The following COL19A1 variants were observed in gnomAD, a reference collection of about 807,000 sequenced individuals.
COL19A1 encodes the protein collagen type XIX alpha 1 chain, also known as collagen alpha-1(XIX) chain.
In COL19A1, 159 loss-of-function variants were observed where a neutral mutation model predicts 190.2. The ratio of observed to expected loss-of-function variants is 0.84; its 90% CI spans 0.73 to 0.95. The LOEUF is 0.95. COL19A1 is among the 40% of genes least tolerant of loss of function. The pLI is 0.00. For synonymous variants in COL19A1, 509 were observed against 458.9 expected, an observed-to-expected ratio of 1.11 and a Z score of -1.39; for missense variants, 1,418 against 1,431.9, an observed-to-expected ratio of 0.99 and a Z score of 0.16.
At chr6:70,122,802 T>C (rs1364591641) in intron 17 of COL19A1, among the ~76,000 whole-genome samples, 1 of 152,222 alleles carries the variant, frequency 6.6e-6, no homozygotes, top group African/African-American at 2.4e-5. Flanking sequence ...AAAAATTTGT[T>C]AAATGACTAG....
chr6:70,125,464 G>T (rs1365298544), intron 17 of COL19A1, among the ~76,000 whole-genome samples: 1 of 152,036 alleles, frequency 6.6e-6, no homozygotes, highest in Non-Finnish European at 1.5e-5. Flanking sequence ...CTTGCCCTCT[G>T]GCCCCCATAT....
At chr6:69,941,357 T>C (rs1221648959) in intron 9 of COL19A1, among the ~76,000 whole-genome samples, 7 of 152,186 alleles carry the variant, frequency 4.6e-5, no homozygotes, top group Admixed American at 3.3e-4. Flanking sequence ...TCAACAAATA[T>C]ATGTTTCCCC....
intron 11 of COL19A1, among the ~76,000 whole-genome samples, chr6:70,003,649 T>A (rs1777417351): frequency 2.6e-5 from 4 of 152,110 alleles, no homozygotes; most frequent in African/African-American, 4.8e-5. Context: ...CTTTTTTTTT[T>A]AATCGTAGTT....
At chr6:70,141,759 C>G (rs1412433156) in intron 20 of COL19A1, 134 bp from the exon 21 acceptor site, 4 of 625,574 alleles carry the variant, frequency 6.4e-6, no homozygotes, top group Non-Finnish European at 1.1e-5. Context: ...ATGAACTCTC[C>G]TTGATTTTAT....
intron 1 of COL19A1, among the ~76,000 whole-genome samples, chr6:69,875,702 G>C (rs894920432): frequency 2.6e-5 from 4 of 152,160 alleles, no homozygotes; most frequent in African/African-American, 7.2e-5. Context: ...AGACTGGGAA[G>C]AGCATGAGAA....
intron 4 of COL19A1, among the ~76,000 whole-genome samples, chr6:69,915,526 G>T (rs1771233093): frequency 6.6e-6 from 1 of 152,028 alleles, no homozygotes; most frequent in African/African-American, 2.4e-5. Context: ...TCTGTTGCTG[G>T]GAGACCAGAT....
rs3793025 is a variant in COL19A1 at position 69,961,044 on chromosome 6, G to A, written c.981+1004G>A. Among the ~76,000 whole-genome samples, 830 of 152,166 alleles carry A rather than the reference G, an allele frequency of 5.5e-3. 19 individuals are homozygous for A. The East Asian group carries it at 0.069, about 13-fold the overall frequency. On this transcript the variant is annotated intron_variant, in intron 10 of 50. Coordinates refer to ENST00000620364, the MANE Select transcript of COL19A1 (RefSeq NM_001858.6). ...GAGGGACGGGGAGCCACTTCAGGTG[G>A]GGCCAGCTGTCATGATACCATCCAG...
intron 14 of COL19A1, among the ~76,000 whole-genome samples, chr6:70,061,359 T>A (rs766810593): frequency 7.9e-5 from 12 of 152,144 alleles, no homozygotes; most frequent in African/African-American, 1.9e-4. Flanking sequence ...TCATCAAGGA[T>A]TAAAAAAGAA....
chr6:69,878,832 A>T (rs1163972620), intron 1 of COL19A1, among the ~76,000 whole-genome samples: 1 of 152,230 alleles, frequency 6.6e-6, no homozygotes, highest in Non-Finnish European at 1.5e-5. Context: ...AACAGACAAA[A>T]TGTGGTATAT....
intron 4 of COL19A1, among the ~76,000 whole-genome samples, chr6:69,901,316 G>A (rs1047427090): frequency 2.6e-5 from 4 of 152,184 alleles, no homozygotes; most frequent in Admixed American, 6.5e-5. Context: ...TTGCTCAGAC[G>A]TTCTGTGTAA....
chr6:69,931,305 C>T (rs1156623852), intron 6 of COL19A1, among the ~76,000 whole-genome samples: 1 of 152,074 alleles, frequency 6.6e-6, no homozygotes. Context: ...AAGCATTCTC[C>T]TTCTAAAGCA....
intron 14 of COL19A1, among the ~76,000 whole-genome samples, chr6:70,063,483 T>A (rs1042693150): frequency 2.0e-5 from 3 of 151,390 alleles, no homozygotes; most frequent in African/African-American, 7.3e-5. Context: ...TTTAAAGCAG[T>A]GTGTAGAGGG....
rs115164276 is a variant in COL19A1, at chr6:70,156,203, C to T, written c.2156C>T (p.Pro719Leu). ...NKGEEGGAGE[P>L]GKYDSMARKG... The stretch of plus-strand genomic sequence containing the variant: ...GGAGAAGAAGGAGGTGCTGGTGAGC[C>T]TGGAAAGTATGATTCCATGGCCCGG... Residue 719 changes from proline to leucine, a missense_variant, in exon 32 of 51, where the codon CCT (proline) becomes CTT (leucine). By Grantham distance (98) the Pro-to-Leu change is moderately conservative (BLOSUM62 -3). Transcript: ENST00000620364. 3.4e-4 allele frequency: 554 copies of T among 1,613,318 alleles called. 1 individual carries two copies. In the African/African-American group the frequency reaches 5.7e-3, roughly 17 times the overall value.
chr6:69,981,277 C>T (rs963030976), intron 11 of COL19A1, among the ~76,000 whole-genome samples: 11 of 152,008 alleles, frequency 7.2e-5, no homozygotes, highest in African/African-American at 2.7e-4. Context: ...AAGAAAACAC[C>T]TGAATACATT....
At chr6:70,044,258 C>T (rs1327513314) in intron 14 of COL19A1, among the ~76,000 whole-genome samples, 1 of 152,128 alleles carries the variant, frequency 6.6e-6, no homozygotes, top group Non-Finnish European at 1.5e-5. Flanking sequence ...GTCTTTTATC[C>T]AGATCTTTAA....
At chr6:70,167,023 A>T (rs960991287) in intron 37 of COL19A1, among the ~76,000 whole-genome samples, 2 of 152,234 alleles carry the variant, frequency 1.3e-5, no homozygotes, top group Non-Finnish European at 2.9e-5. Context: ...TTCCCTGGGA[A>T]ACCTCCTTTG....
intron 11 of COL19A1, among the ~76,000 whole-genome samples, chr6:69,994,833 C>G (rs936892350): frequency 1.3e-5 from 2 of 152,064 alleles, no homozygotes; most frequent in African/African-American, 4.8e-5. Context: ...CCATTTGCAT[C>G]TGAGAAGAGG....
intron 14 of COL19A1, among the ~76,000 whole-genome samples, chr6:70,045,859 A>G (rs541455688): frequency 6.6e-6 from 1 of 152,332 alleles, no homozygotes; most frequent in African/African-American, 2.4e-5. Flanking sequence ...GCCTGTCCTC[A>G]GACTAAACAT....
intron 16 of COL19A1, among the ~76,000 whole-genome samples, chr6:70,116,312 G>A (rs1291332489): frequency 2.6e-5 from 4 of 152,120 alleles, no homozygotes; most frequent in Non-Finnish European, 4.4e-5. Context: ...CAAAAAAATG[G>A]CTTTCTCCAC....
Sources: gnomAD v4.1 joint callset for allele counts (sites outside exome capture counted in the v4.1 genomes callset) on GRCh38, gnomAD v4.1.1 for gene constraint, MANE v1.5 for transcripts, NCBI Gene and HGNC (gene_info 2026-07-23, HGNC 2026-07-21) for gene names.